Variants in SCG5 observed in about 807,000 individuals in gnomAD.
The protein encoded by SCG5 is secretogranin V.
Under a neutral mutation model 25.7 loss-of-function variants are expected in SCG5, and 18 were observed. That is an observed-to-expected ratio of 0.70 (90% CI 0.48 to 1.04). SCG5 has a LOEUF of 1.04. Ranked by LOEUF, SCG5 falls within the 50% of genes least tolerant of loss-of-function variation. SCG5 has a pLI of 0.00. For missense variants in SCG5, 206 were observed against 259.8 expected, an observed-to-expected ratio of 0.79 and a Z score of 1.42; for synonymous variants, 101 against 91.7, an observed-to-expected ratio of 1.10 and a Z score of -0.58.
chr15:32,648,583 G>A (rs181159574), intron 2 of SCG5, among the ~76,000 whole-genome samples: 22 of 151,990 alleles, frequency 1.4e-4, no homozygotes, highest in African/African-American at 5.3e-4. Context: ...TTTGTTCCAC[G>A]CATTCTGGCC....
intron 2 of SCG5, among the ~76,000 whole-genome samples, chr15:32,648,702 C>T (rs769156140): frequency 3.9e-5 from 6 of 152,006 alleles, no homozygotes; most frequent in Middle Eastern, 3.4e-3. Flanking sequence ...TTCAAAGTCA[C>T]CCACTCAGAG....
At chr15:32,689,065 A>G (rs2054791689) in intron 4 of SCG5, among the ~76,000 whole-genome samples, 1 of 152,126 alleles carries the variant, frequency 6.6e-6, no homozygotes, top group Non-Finnish European at 1.5e-5. Context: ...TATAACATCC[A>G]TTGATGATGC....
intron 4 of SCG5, 140 bp downstream of exon 4, chr15:32,684,809 G>A: frequency 1.6e-6 from 1 of 634,188 alleles, no homozygotes; most frequent in Non-Finnish European, 2.8e-6. Flanking sequence ...GGTTGACAGA[G>A]CTTCAAGTCA....
intron 2 of SCG5, among the ~76,000 whole-genome samples, chr15:32,652,085 A>C (rs1382851665): frequency 6.6e-6 from 1 of 152,286 alleles, no homozygotes; most frequent in African/African-American, 2.4e-5. Flanking sequence ...AGAAAGATAG[A>C]GTGTAATGAA....
chr15:32,641,822 C>T (rs974175370), intron 1 of SCG5, 44 bp downstream of exon 1: 1 of 152,466 alleles, frequency 6.6e-6, no homozygotes, highest in Admixed American at 6.5e-5. Flanking sequence ...GCCGCCAACC[C>T]GAGATTTGGT....
chr15:32,690,064 A>G (rs1050331557), intron 4 of SCG5, among the ~76,000 whole-genome samples: 2 of 152,084 alleles, frequency 1.3e-5, no homozygotes, highest in African/African-American at 2.4e-5. Flanking sequence ...GATGGTCTCG[A>G]TCTCCTGACC....
At chr15:32,695,526 A>AT (rs1426743595) in intron 5 of SCG5, among the ~76,000 whole-genome samples, 1 of 152,130 alleles carries the variant, frequency 6.6e-6, no homozygotes, top group Non-Finnish European at 1.5e-5. Context: ...CATGAAAGTG[A>AT]TTTCAGAGTA....
In SCG5 at chr15:32,691,524, G is replaced by A. The variant is rs59295616; in HGVS notation, c.490-186G>A. ...ATTGCAGAGGACTTTATTAAAAGCC[G>A]AACCACCACCAGCTTTACTCTTGTG... On this transcript the variant is annotated intron_variant, in intron 4 of 5. Transcript: ENST00000300175. 7.8e-3 allele frequency among the ~76,000 whole-genome samples: 1,194 copies of A among 152,262 alleles called. 14 individuals carry two copies. Among genetic ancestry groups the A allele is most frequent in the African/African-American group, 0.027 (1,130 of 41,554 alleles).
intron 2 of SCG5, among the ~76,000 whole-genome samples, chr15:32,651,826 T>A (rs1325274622): frequency 1.3e-5 from 2 of 152,186 alleles, no homozygotes; most frequent in Non-Finnish European, 2.9e-5. Flanking sequence ...CACGATGACA[T>A]GTTTGTGTAT....
At chr15:32,692,416 G>A (rs1250841435) in intron 5 of SCG5, 1 of 252,480 alleles carries the variant, frequency 4.0e-6, no homozygotes, top group Non-Finnish European at 6.3e-6. Context: ...TTCATATACA[G>A]TGTTGCCTCA....
At chr15:32,660,868 G>A (rs562701327) in intron 2 of SCG5, among the ~76,000 whole-genome samples, 1 of 152,266 alleles carries the variant, frequency 6.6e-6, no homozygotes, top group South Asian at 2.1e-4. Flanking sequence ...TCTAGTATCT[G>A]GGAAGAGCAC....
intron 2 of SCG5, among the ~76,000 whole-genome samples, chr15:32,668,056 C>T (rs975990452): frequency 6.6e-6 from 1 of 152,102 alleles, no homozygotes; most frequent in Non-Finnish European, 1.5e-5. Context: ...GATGGGAAAC[C>T]ACAGGCCAGG....
At chr15:32,644,521 A>G (rs1337707078) in intron 2 of SCG5, among the ~76,000 whole-genome samples, 1 of 152,228 alleles carries the variant, frequency 6.6e-6, no homozygotes, top group Non-Finnish European at 1.5e-5. Flanking sequence ...TAATACTTGT[A>G]TTAGAAAGCA....
intron 2 of SCG5, among the ~76,000 whole-genome samples, chr15:32,672,067 C>T (rs2054435704): frequency 6.6e-6 from 1 of 152,280 alleles, no homozygotes; most frequent in Non-Finnish European, 1.5e-5. Flanking sequence ...AAAAGGAAAA[C>T]TGGTCCGTCG....
intron 3 of SCG5, 32 bp downstream of exon 3, chr15:32,679,947 AGTT>A (rs2054588480): frequency 6.4e-7 from 1 of 1,562,050 alleles, no homozygotes; most frequent in African/African-American, 1.4e-5. Flanking sequence ...TCCCATGAAA[AGTT>A]GGGGCTTTGG....
intron 5 of SCG5, among the ~76,000 whole-genome samples, chr15:32,696,271 C>T (rs1362115723): frequency 6.6e-6 from 1 of 152,130 alleles, no homozygotes; most frequent in Non-Finnish European, 1.5e-5. Flanking sequence ...GCACCCACCA[C>T]CACGCCCGGC....
intron 2 of SCG5, among the ~76,000 whole-genome samples, chr15:32,675,092 G>A (rs931192404): frequency 3.3e-5 from 5 of 152,100 alleles, no homozygotes; most frequent in Admixed American, 6.6e-5. Context: ...TTATATAAAC[G>A]CAACTGGGCT....
chr15:32,645,967 C>G (rs1355154251), intron 2 of SCG5, among the ~76,000 whole-genome samples: 1 of 152,048 alleles, frequency 6.6e-6, no homozygotes, highest in African/African-American at 2.4e-5. Flanking sequence ...TACAGGCGCC[C>G]GCCACCACGC....
At chr15:32,642,073 G>C (rs1012082181) in intron 1 of SCG5, among the ~76,000 whole-genome samples, 10 of 152,148 alleles carry the variant, frequency 6.6e-5, no homozygotes, top group African/African-American at 2.4e-4. Context: ...TTTTCCATCA[G>C]AATTGCAGAT....
Sources: gnomAD v4.1 joint callset for allele counts (sites outside exome capture counted in the v4.1 genomes callset) on GRCh38, gnomAD v4.1.1 for gene constraint, MANE v1.5 for transcripts, NCBI Gene and HGNC (gene_info 2026-07-23, HGNC 2026-07-21) for gene names.